The following ADGRG7 variants were observed in gnomAD, a reference collection of about 807,000 sequenced individuals.
ADGRG7 encodes the protein adhesion G protein-coupled receptor G7.
In ADGRG7, 82 loss-of-function variants were observed where a neutral mutation model predicts 88.6. That is an observed-to-expected ratio of 0.93 (90% CI 0.77 to 1.11). The LOEUF is 1.11. Ranked by LOEUF, ADGRG7 falls within the 50% of genes most tolerant of loss-of-function variation. The pLI, the probability that ADGRG7 is intolerant of heterozygous loss-of-function variation, is 0.00. For synonymous variants in ADGRG7, 381 were observed against 345.2 expected (o/e 1.10, Z -1.15); for missense variants, 945 against 953.4 (o/e 0.99, Z 0.12).
At chr3:100,657,240 C>T (rs2094938936) in intron 13 of ADGRG7, among the ~76,000 whole-genome samples, 1 of 152,190 alleles carries the variant, frequency 6.6e-6, no homozygotes, top group South Asian at 2.1e-4. Context: ...TTCTCCCCCA[C>T]CTTCCACCCT....
At chr3:100,659,920 G>A in intron 14 of ADGRG7, 77 bp downstream of exon 14, 1 of 1,381,992 alleles carries the variant, frequency 7.2e-7, no homozygotes, top group Non-Finnish European at 1.0e-6. Flanking sequence ...CACATCCACA[G>A]TTTCAGAAGC....
intron 11 of ADGRG7, chr3:100,654,291 AATTTT>A (rs1431744512): frequency 6.6e-6 from 1 of 152,228 alleles, no homozygotes; most frequent in Admixed American, 6.5e-5. Context: ...AAAGATTAAA[AATTTT>A]ATTTTATGAT....
chr3:100,681,715 C>G (rs2094973714), intron 15 of ADGRG7, among the ~76,000 whole-genome samples: 1 of 152,198 alleles, frequency 6.6e-6, no homozygotes, highest in South Asian at 2.1e-4. Flanking sequence ...AATGAAATTA[C>G]TAAATGGACT....
Position 100,637,342 on chromosome 3 carries a change from A to G in ADGRG7, c.638A>G (p.Asp213Gly), listed in dbSNP as rs1707562404. The G allele has an allele frequency of 6.2e-7, 1 of 1,613,840 alleles. No homozygotes were observed. Among genetic ancestry groups the G allele is most frequent in the African/African-American group, 1.3e-5 (1 of 74,930 alleles). The change falls in exon 6 of 16, where the codon GAT (aspartate) becomes GGT (glycine). Residue 213 changes from aspartate to glycine, a missense_variant. Physicochemically the swap from Asp to Gly is moderately conservative, Grantham distance 94. Coordinates refer to ENST00000273352, the MANE Select transcript of ADGRG7 (RefSeq NM_032787.3). ...ATAGTAACAGTGAGTCAACTCCTAG[A>G]TGCCAGTGAAGATGCTTTTCAAAGA... is the stretch of plus-strand genomic sequence containing the variant. Reference protein sequence around the residue: ...VAIVTVSQLLDASEDAFQRVA... With the variant: ...VAIVTVSQLLGASEDAFQRVA...
At chr3:100,688,441 C>A (rs543228758) in intron 15 of ADGRG7, among the ~76,000 whole-genome samples, 2 of 152,118 alleles carry the variant, frequency 1.3e-5, no homozygotes, top group Non-Finnish European at 2.9e-5. Context: ...TTTGCTCTTG[C>A]TTCTCTAGTT....
rs776465685 is a variant in ADGRG7 at position 100,669,046 on chromosome 3, A to G, written c.2077A>G (p.Asn693Asp). 3.1e-6 allele frequency: 5 copies of G among 1,602,946 alleles called. No homozygotes were observed. The South Asian group carries it at 4.5e-5, about 15-fold the overall frequency. The change falls in exon 15 of 16, where the codon AAT becomes GAT. Residue 693 changes from asparagine to aspartate, a missense_variant. By Grantham distance (23) the Asn-to-Asp change is conservative. Coordinates refer to ENST00000273352, the MANE Select transcript of ADGRG7 (RefSeq NM_032787.3). ...GATTCTAGCATACCTGATGCTAGTT[A>G]ATGATGATAGCATCAGGATCGTCTT... ...TWILAYLMLV[N>D]DDSIRIVFSY...
intron 15 of ADGRG7, among the ~76,000 whole-genome samples, chr3:100,690,654 G>A (rs919104609): frequency 2.6e-5 from 4 of 152,188 alleles, no homozygotes; most frequent in Non-Finnish European, 4.4e-5. Flanking sequence ...GTTTGCCTGG[G>A]TATCAGCAGT....
intron 1 of ADGRG7, among the ~76,000 whole-genome samples, chr3:100,620,716 C>T (rs1359538179): frequency 6.6e-6 from 1 of 152,204 alleles, no homozygotes; most frequent in African/African-American, 2.4e-5. Flanking sequence ...CTGTCCCTCA[C>T]AGACCCTGGC....
At chr3:100,649,885 G>A (rs2094926647) in intron 11 of ADGRG7, 78 bp downstream of exon 11, 1 of 807,104 alleles carries the variant, frequency 1.2e-6, no homozygotes, top group Non-Finnish European at 2.1e-6. Flanking sequence ...CTCATGAGTA[G>A]TGTCTTTGAA....
rs116380031 is a variant in ADGRG7, at chr3:100,629,957, C to T, written c.229+246C>T. Among the ~76,000 whole-genome samples, 545 of 152,174 alleles carry T rather than the reference C, an allele frequency of 3.6e-3. 5 individuals carry two copies. The highest frequency in any genetic ancestry group is 5.3e-3 in the Non-Finnish European group (363 of 67,994). ...CTAAGTTTTTTTGCAAACTCACAGT[C>T]GTGTTTCCTGGCTGCAATGACTAAT... On this transcript the variant is annotated intron_variant, in intron 2 of 15. Coordinates refer to ENST00000273352, the MANE Select transcript of ADGRG7 (RefSeq NM_032787.3).
At chr3:100,611,957 A>G (rs1399603581) in intron 1 of ADGRG7, among the ~76,000 whole-genome samples, 2 of 152,200 alleles carry the variant, frequency 1.3e-5, no homozygotes, top group Admixed American at 1.3e-4. Flanking sequence ...AGGTATAGAC[A>G]TAAATTGTTT....
intron 15 of ADGRG7, among the ~76,000 whole-genome samples, chr3:100,687,391 T>C (rs2094984571): frequency 6.6e-6 from 1 of 152,172 alleles, no homozygotes; most frequent in South Asian, 2.1e-4. Context: ...CTGATTGCCC[T>C]GGCCAGAACT....
chr3:100,615,550 T>G (rs1377936017), intron 1 of ADGRG7, among the ~76,000 whole-genome samples: 1 of 152,192 alleles, frequency 6.6e-6, no homozygotes, highest in African/African-American at 2.4e-5. Flanking sequence ...GGCATTGTGC[T>G]AGGATTTGAA....
chr3:100,617,115 A>G (rs113723767), intron 1 of ADGRG7, among the ~76,000 whole-genome samples: 3 of 152,314 alleles, frequency 2.0e-5, no homozygotes, highest in African/African-American at 7.2e-5. Context: ...AAACCACATC[A>G]TGGTAAAATT....
intron 15 of ADGRG7, among the ~76,000 whole-genome samples, chr3:100,676,810 T>C (rs2094966026): frequency 6.6e-6 from 1 of 152,104 alleles, no homozygotes; most frequent in Admixed American, 6.6e-5. Flanking sequence ...ATATTTACAA[T>C]TGTTATATCC....
chr3:100,664,790 G>A (rs2094949730), intron 14 of ADGRG7, among the ~76,000 whole-genome samples: 1 of 152,148 alleles, frequency 6.6e-6, no homozygotes, highest in Non-Finnish European at 1.5e-5. Flanking sequence ...AGTTATAGAA[G>A]TTAGTCACAA....
rs1434461028 is a variant in ADGRG7, at chr3:100,655,189, T to C, written c.1726+8T>C. 7 of 1,550,010 alleles carry C rather than the reference T, an allele frequency of 4.5e-6. No homozygotes were observed. The South Asian group carries it at 5.8e-5, about 13-fold the overall frequency. ...TCTCATTAATTGGATGGGGTAAGTG[T>C]TTGCATCTCCCCTTTCTCAGGAATT... On this transcript the variant is annotated splice_region_variant and intron_variant, in intron 12 of 15. Transcript: ENST00000273352.
At chr3:100,677,793 C>T in intron 15 of ADGRG7, among the ~76,000 whole-genome samples, 1 of 152,136 alleles carries the variant, frequency 6.6e-6, no homozygotes, top group Non-Finnish European at 1.5e-5. Context: ...TGCTGCCAGA[C>T]AAATTGAAGC....
chr3:100,674,090 G>T (rs1185413634), intron 15 of ADGRG7, among the ~76,000 whole-genome samples: 2 of 152,072 alleles, frequency 1.3e-5, no homozygotes, highest in African/African-American at 2.4e-5. Flanking sequence ...TTGTGTCTTT[G>T]TTCTCATTGG....
Sources: gnomAD v4.1 joint callset for allele counts (sites outside exome capture counted in the v4.1 genomes callset) on GRCh38, gnomAD v4.1.1 for gene constraint, MANE v1.5 for transcripts, NCBI Gene and HGNC (gene_info 2026-07-23, HGNC 2026-07-21) for gene names.